Variants in CDH23 observed in about 807,000 individuals in gnomAD.
The protein encoded by CDH23 is cadherin related 23, also known as cadherin-23.
In CDH23, 189 loss-of-function variants were observed where a neutral mutation model predicts 317.1. The ratio of observed to expected loss-of-function variants is 0.60; its 90% CI spans 0.53 to 0.67. The LOEUF (loss-of-function observed/expected upper bound fraction) is 0.67, where lower values mean the gene tolerates loss of function less well. Ranked by LOEUF, CDH23 falls within the 30% of genes least tolerant of loss-of-function variation. The probability of loss-of-function intolerance (pLI) is 0.00; values close to 1 mark genes in which losing one functional copy is unlikely to be tolerated. For missense variants in CDH23, 4,401 were observed against 4,592.4 expected (o/e 0.96, Z 1.20); for synonymous variants, 1,839 against 1,876.8 (o/e 0.98, Z 0.52).
chr10:71,737,722 G>A (rs1412659953), intron 34 of CDH23: 2 of 470,872 alleles, frequency 4.2e-6, no homozygotes, highest in African/African-American at 4.0e-5. Context: ...GTGAACCCCT[G>A]GGTACCTGTG....
intron 14 of CDH23, among the ~76,000 whole-genome samples, chr10:71,656,606 G>A (rs1476170772): frequency 6.6e-6 from 1 of 152,180 alleles, no homozygotes; most frequent in African/African-American, 2.4e-5. Flanking sequence ...GGCGGGGAGT[G>A]CCAGGGCTGG....
chr10:71,765,646 C>T (rs1564783378), intron 38 of CDH23, among the ~76,000 whole-genome samples: 1 of 152,068 alleles, frequency 6.6e-6, no homozygotes, highest in African/African-American at 2.4e-5. Context: ...AGATGCACGG[C>T]GGGTGGGTGC....
intron 9 of CDH23, among the ~76,000 whole-genome samples, chr10:71,609,995 T>TGTGTGTGAGAGAGA (rs3222215): frequency 7.1e-5 from 10 of 140,822 alleles, no homozygotes; most frequent in African/African-American, 2.6e-4. Flanking sequence ...TGTGTGTGTG[T>TGTGTGTGAGAGAGA]GAGAGAGACA....
chr10:71,785,327 C>T (rs1045465152), intron 43 of CDH23, among the ~76,000 whole-genome samples: 1 of 152,194 alleles, frequency 6.6e-6, no homozygotes, highest in Admixed American at 6.5e-5. Context: ...AGAGATGGGG[C>T]CAGAGCCTGT....
chr10:71,519,125 G>C (rs771253386), intron 6 of CDH23, among the ~76,000 whole-genome samples: 1 of 152,200 alleles, frequency 6.6e-6, no homozygotes, highest in Non-Finnish European at 1.5e-5. Flanking sequence ...TAATTCTATT[G>C]CAATGATTGC....
At chr10:71,803,711 T>C (rs368717239) in intron 55 of CDH23, among the ~76,000 whole-genome samples, 1 of 149,772 alleles carries the variant, frequency 6.7e-6, no homozygotes, top group African/African-American at 2.5e-5. Context: ...GGCTCACACC[T>C]ATAATCCCAG....
chr10:71,520,546 G>A (rs532526725), intron 6 of CDH23, among the ~76,000 whole-genome samples: 7 of 152,216 alleles, frequency 4.6e-5, no homozygotes, highest in Admixed American at 1.3e-4. Context: ...CCTATGAAAC[G>A]GAGCTCAGCC....
At chr10:71,501,467 G>T (rs982893756) in intron 3 of CDH23, among the ~76,000 whole-genome samples, 9 of 152,150 alleles carry the variant, frequency 5.9e-5, no homozygotes, top group African/African-American at 2.2e-4. Context: ...GCGTCGATCA[G>T]TGAAGGGTGA....
In CDH23 at chr10:71,810,486, G is replaced by A. The variant is rs1251097305; in HGVS notation, c.8994G>A (p.Lys2998=). Residue 2998 remains lysine, a synonymous_variant, in exon 62 of 70, where the codon AAG becomes AAA. Transcript: ENST00000224721. ...NTDNVQFHVD[K]KGRVNFAQTE... ...TTCTCATCTAGTTCCATGTGGACAA[G>A]AAGGGCCGGGTGAACTTTGCGCAGA... 6.2e-7 allele frequency: 1 copy of A among 1,614,006 alleles called. No homozygotes were observed. Among genetic ancestry groups the A allele is most frequent in the African/African-American group, 1.3e-5 (1 of 75,060 alleles).
chr10:71,774,943 A>G (rs2132920521), intron 38 of CDH23, among the ~76,000 whole-genome samples: 1 of 152,302 alleles, frequency 6.6e-6, no homozygotes, highest in Non-Finnish European at 1.5e-5. Context: ...CTCTAAGGGC[A>G]GGGAAGGCTA....
At chr10:71,444,804 G>A (rs139239097) in intron 2 of CDH23, among the ~76,000 whole-genome samples, 140 of 152,292 alleles carry the variant, frequency 9.2e-4, no homozygotes, top group African/African-American at 3.2e-3. Flanking sequence ...AGAAAGGAAG[G>A]GAGAGAGAGC....
chr10:71,665,344 C>A (rs986935011), intron 14 of CDH23, among the ~76,000 whole-genome samples: 2 of 152,212 alleles, frequency 1.3e-5, no homozygotes, highest in Admixed American at 1.3e-4. Context: ...CTCCCACTAC[C>A]CCTGTGTGAC....
chr10:71,683,473 T>A (rs1163042985), intron 18 of CDH23, among the ~76,000 whole-genome samples: 1 of 152,184 alleles, frequency 6.6e-6, no homozygotes. Flanking sequence ...TAACAAGCTC[T>A]GTCTTCTCAA....
At position 71,427,195 on chromosome 10, in the gene CDH23, G is replaced by GAGGAAGAAAGAA. The variant is rs1554823330; in HGVS notation, c.-5-12630_-5-12629insGAAGAAAGAAAG. ...AGAAAGAAGGAAGGAAGGAAGGAAA[G>GAGGAAGAAAGAA]AGAAAGAAAGAAAGAAAGAAAGAAA... On this transcript the variant is annotated intron_variant, in intron 1 of 69. Transcript: ENST00000224721. 5.1e-5 allele frequency among the ~76,000 whole-genome samples: 5 copies of GAGGAAGAAAGAA among 98,948 alleles called. 1 individual carries two copies. The highest frequency in any genetic ancestry group is 3.6e-4 in the Admixed American group (3 of 8,420). The allele number at this position is 98,948 out of a possible 152,430, so 64.9% of individuals were successfully genotyped here.
At chr10:71,672,436 G>A (rs1164508135) in intron 14 of CDH23, among the ~76,000 whole-genome samples, 1 of 152,126 alleles carries the variant, frequency 6.6e-6, no homozygotes, top group Admixed American at 6.5e-5. Context: ...CCCTGGCAGA[G>A]GCAAGGAGCA....
intron 28 of CDH23, chr10:71,716,153 G>C (rs1203647125): frequency 6.4e-7 from 1 of 1,550,534 alleles, no homozygotes; most frequent in East Asian, 2.4e-5. Context: ...GTCCAGCGCG[G>C]CCGGCTTGCA....
chr10:71,446,168 C>A (rs1397776022), intron 2 of CDH23, 150 bp from the exon 3 acceptor site: 1 of 740,776 alleles, frequency 1.3e-6, no homozygotes, highest in Non-Finnish European at 2.3e-6. Flanking sequence ...TGCCTTGAGG[C>A]AGGATAGTGA....
At chr10:71,779,232 G>A (rs1840891589) in intron 40 of CDH23, 35 bp from the exon 41 acceptor site, 1 of 1,608,816 alleles carries the variant, frequency 6.2e-7, no homozygotes, top group Admixed American at 1.7e-5. Context: ...AGCTGGCTGG[G>A]GTGAGGCCTT....
At chr10:71,456,139 G>A (rs370467925) in intron 3 of CDH23, among the ~76,000 whole-genome samples, 15 of 151,250 alleles carry the variant, frequency 9.9e-5, no homozygotes, top group Middle Eastern at 3.4e-3. Context: ...GGAGGGGAAG[G>A]GAGGGTAGCC....
Sources: allele counts gnomAD v4.1 joint callset (sites outside exome capture counted in the v4.1 genomes callset), GRCh38; gene constraint gnomAD v4.1.1; transcripts MANE v1.5; gene names NCBI Gene and HGNC (gene_info 2026-07-23, HGNC 2026-07-21).